Variants in GPATCH1 observed in about 807,000 individuals in gnomAD.
The protein encoded by GPATCH1 is G patch domain-containing protein 1.
A neutral mutation model predicts 114.9 loss-of-function variants in GPATCH1; 73 were observed. The ratio of observed to expected loss-of-function variants is 0.64; its 90% CI spans 0.53 to 0.77. The LOEUF (loss-of-function observed/expected upper bound fraction) is 0.77. GPATCH1 is among the 30% of genes least tolerant of loss of function. The pLI is 0.00. For missense variants in GPATCH1, 1,058 were observed against 1,144.3 expected (o/e 0.92, Z 1.09); for synonymous variants, 391 against 428.4 (o/e 0.91, Z 1.08).
intron 9 of GPATCH1, among the ~76,000 whole-genome samples, chr19:33,102,151 T>C (rs1972734097): frequency 6.6e-6 from 1 of 151,376 alleles, no homozygotes; most frequent in Non-Finnish European, 1.5e-5. Flanking sequence ...CTGGTCAATA[T>C]GGCAAAACCC....
intron 2 of GPATCH1, 68 bp downstream of exon 2, chr19:33,088,336 C>A (rs1599849964): frequency 8.4e-7 from 1 of 1,185,880 alleles, no homozygotes; most frequent in Non-Finnish European, 1.2e-6. Flanking sequence ...TTCTCCCTCA[C>A]CCTTGCTTTT....
chr19:33,086,718 A>C (rs997617866), intron 1 of GPATCH1, among the ~76,000 whole-genome samples: 2 of 152,160 alleles, frequency 1.3e-5, no homozygotes, highest in Non-Finnish European at 2.9e-5. Flanking sequence ...AGCCTCTCAA[A>C]GTGCTGGGAT....
At chr19:33,128,561 A>G (rs1973068654) in intron 19 of GPATCH1, among the ~76,000 whole-genome samples, 1 of 152,128 alleles carries the variant, frequency 6.6e-6, no homozygotes, top group African/African-American at 2.4e-5. Flanking sequence ...CACCCGGCCT[A>G]AAAAAATCTT....
intron 9 of GPATCH1, among the ~76,000 whole-genome samples, chr19:33,103,840 G>A (rs115971616): frequency 0.014 from 2,143 of 152,222 alleles, 44 homozygotes; most frequent in African/African-American, 0.049. Context: ...ATACAGAGTC[G>A]TGGGCAAACA....
chr19:33,130,244 A>G lies in GPATCH1; in HGVS notation c.*84A>G. The G allele has an allele frequency of 1.1e-6, 1 of 875,388 alleles. No homozygotes were observed. The highest frequency in any genetic ancestry group is 1.8e-6 in the Non-Finnish European group (1 of 545,806). The allele number at this position is 875,388 out of a possible 1,614,324, so 54.2% of individuals were successfully genotyped here. On this transcript the variant is annotated 3_prime_UTR_variant, in exon 20 of 20. Coordinates refer to ENST00000170564, the MANE Select transcript of GPATCH1 (RefSeq NM_018025.3). ...ATTGTTCAGTTAACGCATTGTACAG[A>G]GTGTATTTATATGTAAATTCCTGCT...
intron 19 of GPATCH1, 30 bp from the exon 20 acceptor site, chr19:33,130,100 C>G: frequency 6.3e-7 from 1 of 1,598,384 alleles, no homozygotes; most frequent in Non-Finnish European, 8.6e-7. Context: ...GCTAACTTTC[C>G]ATTTCTCTCT....
chr19:33,120,483 C>T (rs1972970164), intron 17 of GPATCH1, among the ~76,000 whole-genome samples: 1 of 142,048 alleles, frequency 7.0e-6, no homozygotes, highest in Non-Finnish European at 1.5e-5. Flanking sequence ...GCAAAGGTTG[C>T]AGTGAGCCGA....
intron 19 of GPATCH1, among the ~76,000 whole-genome samples, chr19:33,128,409 C>T (rs1413758693): frequency 2.0e-5 from 3 of 152,200 alleles, no homozygotes; most frequent in Non-Finnish European, 2.9e-5. Flanking sequence ...TACAGGTACC[C>T]GCCACCACGT....
At position 33,083,402 on chromosome 19, in the gene GPATCH1, T is replaced by G. The variant is rs200108806; in HGVS notation, c.73+2136T>G. 9.2e-4 allele frequency among the ~76,000 whole-genome samples: 138 copies of G among 150,488 alleles called. No homozygotes were observed. The East Asian group carries it at 9.6e-3, about 11-fold the overall frequency. Reference sequence around the variant, plus strand: ...TGGCCCCAACCATGTTTTTGTTTTTTTTTTTTTTCTGTGACAGAGTCACGC... The same window carrying G: ...TGGCCCCAACCATGTTTTTGTTTTTGTTTTTTTTCTGTGACAGAGTCACGC... On this transcript the variant is annotated intron_variant, in intron 1 of 19. Coordinates refer to ENST00000170564, the MANE Select transcript of GPATCH1 (RefSeq NM_018025.3).
At chr19:33,119,749 G>A (rs1373826308) in intron 17 of GPATCH1, among the ~76,000 whole-genome samples, 2 of 151,038 alleles carry the variant, frequency 1.3e-5, no homozygotes, top group Non-Finnish European at 2.9e-5. Context: ...AGCTGGGCTG[G>A]TGGCTCACAC....
intron 8 of GPATCH1, among the ~76,000 whole-genome samples, 171 bp downstream of exon 8, chr19:33,098,073 A>C (rs569297971): frequency 6.6e-6 from 1 of 152,374 alleles, no homozygotes; most frequent in South Asian, 2.1e-4. Context: ...TGCAGGATTC[A>C]GACCTGGCCA....
At chr19:33,097,980 G>T (rs1306258748) in intron 8 of GPATCH1, 78 bp downstream of exon 8, 1 of 1,300,392 alleles carries the variant, frequency 7.7e-7, no homozygotes, top group Non-Finnish European at 1.1e-6. Context: ...GAGCGATACA[G>T]GAGCACCAGC....
intron 5 of GPATCH1, among the ~76,000 whole-genome samples, chr19:33,095,263 T>G (rs1298999798): frequency 6.8e-6 from 1 of 147,982 alleles, no homozygotes; most frequent in Non-Finnish European, 1.5e-5. Flanking sequence ...TGAGGTTTTT[T>G]TTTTTTTTTT....
At chr19:33,083,243 CAA>C (rs759998717) in intron 1 of GPATCH1, among the ~76,000 whole-genome samples, 10 of 61,672 alleles carry the variant, frequency 1.6e-4, no homozygotes, top group Admixed American at 1.9e-4. Context: ...GACTCTGTCT[CAA>C]AAAAAAAAAA....
Position 33,101,459 on chromosome 19 carries a change from C to T in GPATCH1, c.1001-36C>T. ...GTGTTCTGTCTTATTCTAATCATCTCTACTTCTGGAATTAATCTATGACAT... is the reference window on the plus strand; with the variant it reads ...GTGTTCTGTCTTATTCTAATCATCTTTACTTCTGGAATTAATCTATGACAT... On this transcript the variant is annotated intron_variant, in intron 8 of 19. Coordinates refer to ENST00000170564, the MANE Select transcript of GPATCH1 (RefSeq NM_018025.3). 3 of 1,147,940 alleles carry T rather than the reference C, an allele frequency of 2.6e-6. No homozygotes were observed. In the South Asian group the frequency reaches 3.8e-5, roughly 15 times the overall value. 71.1% of individuals were successfully genotyped at this position (1,147,940 alleles called of 1,614,324 possible).
chr19:33,122,077 G>A (rs1268805359), intron 17 of GPATCH1, among the ~76,000 whole-genome samples: 2 of 152,134 alleles, frequency 1.3e-5, no homozygotes, highest in African/African-American at 4.8e-5. Context: ...GGAGTGCAGT[G>A]GCGCGATCTC....
chr19:33,103,193 A>C (rs1599857909), intron 9 of GPATCH1, among the ~76,000 whole-genome samples: 1 of 152,174 alleles, frequency 6.6e-6, no homozygotes, highest in South Asian at 2.1e-4. Context: ...TTTATTCAGC[A>C]AACATTTGTT....
In GPATCH1 at chr19:33,114,362, G is replaced by C; in HGVS notation, c.2139G>C (p.Gln713His). 6.2e-7 allele frequency: 1 copy of C among 1,611,654 alleles called. No individual in the cohort carries two copies. The highest frequency in any genetic ancestry group is 8.5e-7 in the Non-Finnish European group (1 of 1,179,316). Reference sequence around the variant, plus strand: ...CAAAAGCCGAGCCACCTAAACAACAGTCCAGCCCCTTAGTAAACAAAGAGG... The same window carrying C: ...CAAAAGCCGAGCCACCTAAACAACACTCCAGCCCCTTAGTAAACAAAGAGG... The part of the protein sequence containing the change: ...ARSKAEPPKQ[Q>H]SSPLVNKEEE... Residue 713 changes from glutamine to histidine, a missense_variant, in exon 15 of 20, where the codon CAG becomes CAC. Physicochemically the swap from Gln to His is conservative, Grantham distance 24 (BLOSUM62 0). Transcript: ENST00000170564.
At chr19:33,125,058 TG>T (rs746822334) in intron 17 of GPATCH1, 46 bp from the exon 18 acceptor site, 1 of 1,555,048 alleles carries the variant, frequency 6.4e-7, no homozygotes, top group East Asian at 2.4e-5. Flanking sequence ...GGATAGTCTT[TG>T]TTTTCGTGCT....
Sources: gnomAD v4.1 joint callset for allele counts (sites outside exome capture counted in the v4.1 genomes callset) on GRCh38, gnomAD v4.1.1 for gene constraint, MANE v1.5 for transcripts, NCBI Gene and HGNC (gene_info 2026-07-23, HGNC 2026-07-21) for gene names.